The following RAB40C variants were observed in gnomAD, a reference collection of about 807,000 sequenced individuals.
The protein encoded by RAB40C is RAB40C, member RAS oncogene family.
RAB40C carries 8 observed loss-of-function variants against 28.1 expected under a neutral mutation model. That is an observed-to-expected ratio of 0.28 (90% CI 0.17 to 0.51). The LOEUF is 0.51. Ranked by LOEUF, RAB40C falls within the 20% of genes least tolerant of loss-of-function variation. The pLI is 0.97. For missense variants in RAB40C, 288 were observed against 405.9 expected (o/e 0.71, Z 2.50); for synonymous variants, 201 against 171.7 (o/e 1.17, Z -1.34).
chr16:617,104 T>G, intron 1 of RAB40C, 104 bp from the exon 2 acceptor site: 1 of 1,222,934 alleles, frequency 8.2e-7, no homozygotes. Context: ...GCTTCTCCAC[T>G]TCCGCGTGGG....
intron 3 of RAB40C, chr16:624,700 TG>T: frequency 1.0e-6 from 1 of 985,462 alleles, no homozygotes; most frequent in Non-Finnish European, 1.2e-6. Flanking sequence ...TGGATCTGGT[TG>T]CAGAATTGTA....
intron 5 of RAB40C, among the ~76,000 whole-genome samples, chr16:627,025 A>C (rs2036853331): frequency 1.3e-5 from 2 of 152,222 alleles, no homozygotes; most frequent in Admixed American, 1.3e-4. Context: ...AGGACGCTTG[A>C]AGGGCCAGAT....
At position 627,965 on chromosome 16, in the gene RAB40C, T is replaced by C; in HGVS notation, c.*343T>C. On this transcript the variant is annotated 3_prime_UTR_variant, in exon 6 of 6. Coordinates refer to ENST00000248139, the MANE Select transcript of RAB40C (RefSeq NM_021168.5). ...CTTTTTTGTACATTTTTAAGGGGCC[T>C]TCAGGGAAGCCTGGGTGTGGCCCGG... 1 of 245,324 alleles carries C rather than the reference T, an allele frequency of 4.1e-6. No homozygotes were observed. Among genetic ancestry groups the C allele is most frequent in the Non-Finnish European group, 7.8e-6 (1 of 128,358 alleles). 15.2% of individuals were successfully genotyped at this position (245,324 alleles called of 1,614,324 possible).
chr16:621,867 G>A (rs944265949), intron 3 of RAB40C, among the ~76,000 whole-genome samples: 2 of 152,238 alleles, frequency 1.3e-5, no homozygotes, highest in African/African-American at 4.8e-5. Context: ...GGGTTTATGT[G>A]GAGCGTGGTA....
chr16:626,178 A>T, intron 5 of RAB40C, 57 bp downstream of exon 5: 1 of 1,519,502 alleles, frequency 6.6e-7, no homozygotes, highest in Middle Eastern at 1.7e-4. Flanking sequence ...TGCCCTGATC[A>T]CATGGAGGCT....
At chr16:625,278 T>C in intron 3 of RAB40C, 154 bp from the exon 4 acceptor site, 1 of 1,447,024 alleles carries the variant, frequency 6.9e-7, no homozygotes, top group East Asian at 2.6e-5. Flanking sequence ...CTGCACCAGC[T>C]CTGCCTGGAG....
intron 1 of RAB40C, among the ~76,000 whole-genome samples, chr16:592,449 G>A (rs1275405012): frequency 2.6e-5 from 4 of 152,228 alleles, no homozygotes; most frequent in African/African-American, 9.6e-5. Flanking sequence ...GGGCCAGGGA[G>A]GAAGAGCTCT....
At chr16:622,539 G>T (rs2036741486) in intron 3 of RAB40C, among the ~76,000 whole-genome samples, 2 of 152,214 alleles carry the variant, frequency 1.3e-5, no homozygotes, top group African/African-American at 2.4e-5. Flanking sequence ...GACACGGTCT[G>T]GCTCTGTCGC....
At position 625,136 on chromosome 16, in the gene RAB40C, C is replaced by T. The variant is rs931635967; in HGVS notation, c.265-296C>T. On this transcript the variant is annotated intron_variant, in intron 3 of 5. Coordinates refer to ENST00000248139, the MANE Select transcript of RAB40C (RefSeq NM_021168.5). ...TCCCCCGGCTGCCAGAACCCCGCAT[C>T]TGCCTGCCCAGGAAACTTCCACAGG... is the stretch of plus-strand genomic sequence containing the variant. The T allele has an allele frequency of 2.2e-6, 3 of 1,355,558 alleles. No individual in the cohort carries two copies. The African/African-American group carries it at 4.4e-5, about 20-fold the overall frequency. The allele number at this position is 1,355,558 out of a possible 1,614,324, so 84.0% of individuals were successfully genotyped here. A position where few individuals can be genotyped will look rare whatever the true frequency, so the allele number is the denominator to read the frequency against.
rs146714041 is a variant in RAB40C, at chr16:617,223, C to T, written c.158C>T (p.Thr53Ile). Reference sequence around the variant, plus strand: ...TTCCTCGCAGGGATCGACTACAAGACCACCACCATCCTGCTGGACGGCCGG... The same window carrying T: ...TTCCTCGCAGGGATCGACTACAAGATCACCACCATCCTGCTGGACGGCCGG... ...YAYSNGIDYK[T>I]TTILLDGRRV... is the part of the protein sequence containing the mutation. Residue 53 changes from threonine to isoleucine, a missense_variant, in exon 2 of 6, where the codon ACC (threonine) becomes ATC (isoleucine). Physicochemically the swap from Thr to Ile is moderately conservative, Grantham distance 89 (BLOSUM62 -1). This residue lies in a region of RAB40C where 78 missense variants were observed against 88.2 expected (regional missense o/e 0.88). Transcript: ENST00000248139. 1.2e-6 allele frequency: 2 copies of T among 1,614,036 alleles called. No homozygotes were observed. Among genetic ancestry groups the T allele is most frequent in the African/African-American group, 1.3e-5 (1 of 75,084 alleles).
intron 3 of RAB40C, among the ~76,000 whole-genome samples, chr16:622,267 G>A (rs1451026785): frequency 6.6e-6 from 1 of 152,186 alleles, no homozygotes; most frequent in African/African-American, 2.4e-5. Context: ...TATTGCCACC[G>A]TTACCCAAGA....
At chr16:594,838 T>C (rs560511238) in intron 1 of RAB40C, among the ~76,000 whole-genome samples, 8 of 151,010 alleles carry the variant, frequency 5.3e-5, no homozygotes, top group South Asian at 2.1e-4. Context: ...TTTTTTTTTT[T>C]AGACGAAGTC....
intron 1 of RAB40C, among the ~76,000 whole-genome samples, chr16:604,578 T>C (rs962677973): frequency 6.6e-6 from 1 of 151,424 alleles, no homozygotes; most frequent in East Asian, 1.9e-4. Context: ...AAGGTGTTTC[T>C]CTAGAATACA....
At chr16:594,613 G>A (rs1458931965) in intron 1 of RAB40C, among the ~76,000 whole-genome samples, 3 of 152,074 alleles carry the variant, frequency 2.0e-5, no homozygotes, top group Admixed American at 2.0e-4. Context: ...AGGCTCCTCC[G>A]TGTTTCATTG....
chr16:624,475 T>G (rs2036785057), intron 3 of RAB40C: 1 of 985,360 alleles, frequency 1.0e-6, no homozygotes, highest in African/African-American at 1.7e-5. Flanking sequence ...GCCTTCGCCC[T>G]GGGAGCTTAG....
chr16:614,943 G>A (rs1355732221), intron 1 of RAB40C, among the ~76,000 whole-genome samples: 4 of 152,356 alleles, frequency 2.6e-5, no homozygotes, highest in South Asian at 4.1e-4. Context: ...GCTTAATGGC[G>A]TTGTCCCTGG....
Position 625,889 on chromosome 16 carries a change from G to T in RAB40C, c.343-10G>T, listed in dbSNP as rs750960412. The T allele has an allele frequency of 1.2e-6, 2 of 1,608,464 alleles. No individual in the cohort carries two copies. Among genetic ancestry groups the T allele is most frequent in the Admixed American group, 3.4e-5 (2 of 59,612 alleles). On this transcript the variant is annotated splice_polypyrimidine_tract_variant and intron_variant, in intron 4 of 5. Transcript: ENST00000248139. ...TGCGTTTGTGCGTCTGCTGAGTTCT[G>T]TGCCCCCAGCATGCACCCGGAGTCC...
At chr16:596,192 G>A (rs978791152) in intron 1 of RAB40C, 14 of 418,792 alleles carry the variant, frequency 3.3e-5, no homozygotes, top group African/African-American at 6.1e-5. Flanking sequence ...TGGCCTGCAC[G>A]ATGAGCTAAA....
chr16:609,910 G>T (rs139166605), intron 1 of RAB40C, among the ~76,000 whole-genome samples: 35 of 152,286 alleles, frequency 2.3e-4, no homozygotes, highest in Non-Finnish European at 4.4e-4. Context: ...TCTCCAGACT[G>T]CAAGGGCCAC....
Sources: allele counts gnomAD v4.1 joint callset (sites outside exome capture counted in the v4.1 genomes callset), GRCh38; gene constraint gnomAD v4.1.1; regional missense constraint gnomAD v4.1.1; transcripts MANE v1.5; gene names NCBI Gene and HGNC (gene_info 2026-07-23, HGNC 2026-07-21).